The following SOX30 variants were observed in gnomAD, a reference collection of about 807,000 sequenced individuals.
The protein encoded by SOX30 is transcription factor SOX-30.
In SOX30, 17 loss-of-function variants were observed where a neutral mutation model predicts 58.6. The ratio of observed to expected loss-of-function variants is 0.29; its 90% CI spans 0.20 to 0.44. SOX30 has a LOEUF of 0.44. SOX30 is among the 20% of genes least tolerant of loss of function. SOX30 has a pLI of 1.00. For synonymous variants in SOX30, 421 were observed against 400.2 expected, an observed-to-expected ratio of 1.05 and a Z score of -0.62; for missense variants, 951 against 965.8, an observed-to-expected ratio of 0.98 and a Z score of 0.20.
chr5:157,636,237 T>C (rs1175056700), intron 4 of SOX30, among the ~76,000 whole-genome samples: 1 of 152,214 alleles, frequency 6.6e-6, no homozygotes, highest in Non-Finnish European at 1.5e-5. Context: ...GCATTTCCCA[T>C]ATTACAAAAT....
chr5:157,648,943 C>T, intron 1 of SOX30, 47 bp from the exon 2 acceptor site: 1 of 1,549,854 alleles, frequency 6.5e-7, no homozygotes, highest in Non-Finnish European at 8.7e-7. Flanking sequence ...CATACACACA[C>T]ACACACACAA....
In SOX30 at chr5:157,663,497, T is replaced by C. The variant is rs1759612844; in HGVS notation, c.52+4301A>G. Among the ~76,000 whole-genome samples the C allele has an allele frequency of 2.0e-5, 3 of 152,316 alleles. No homozygotes were observed. The South Asian group carries it at 6.2e-4, about 32-fold the overall frequency. On this transcript the variant is annotated intron_variant, in intron 2 of 5. Transcript: ENST00000519442. ...TATGACAAACCCACAGCCAATATCA[T>C]ACTGAATGGGCAAACACTGGAAGCA...
intron 1 of SOX30, among the ~76,000 whole-genome samples, chr5:157,649,653 G>T (rs1759279341): frequency 6.6e-6 from 1 of 152,042 alleles, no homozygotes; most frequent in Admixed American, 6.6e-5. Flanking sequence ...AGCCAGGCGT[G>T]GTTGCTCATG....
intron 1 of SOX30, among the ~76,000 whole-genome samples, chr5:157,668,123 T>C (rs1759705140): frequency 6.6e-6 from 1 of 152,238 alleles, no homozygotes; most frequent in Admixed American, 6.5e-5. Context: ...CAGCCATTAT[T>C]GGCCAAAGGA....
chr5:157,668,199 C>T (rs550627281), intron 1 of SOX30, among the ~76,000 whole-genome samples: 1 of 152,188 alleles, frequency 6.6e-6, no homozygotes, highest in Non-Finnish European at 1.5e-5. Flanking sequence ...TGACTCTTCT[C>T]CTACGGCTGT....
At position 157,648,882 on chromosome 5, in the gene SOX30, G is replaced by C. The variant is rs139570139; in HGVS notation, c.982C>G (p.Pro328Ala). The part of the protein sequence containing the change: ...LPSDAGIPDT[P>A]FSKDRNGHVK... The stretch of plus-strand genomic sequence containing the variant: ...TGACCATTTCTGTCCTTACTGAAGG[G>C]AGTATCTGGTATGCCTACATGACAA... Residue 328 changes from proline (P) to alanine (A), a missense_variant, in exon 2 of 5, where the codon CCC (proline) becomes GCC (alanine). Pro to Ala is a conservative substitution (Grantham distance 27). Around this residue, in one of 7 missense-constraint regions of SOX30, gnomAD observed 60 missense variants for 74.0 expected, o/e 0.81. Transcript: ENST00000265007. The C allele has an allele frequency of 3.5e-5, 56 of 1,609,262 alleles. No homozygotes were observed. Among genetic ancestry groups the C allele is most frequent in the Non-Finnish European group, 4.3e-5 (51 of 1,178,596 alleles).
At chr5:157,647,969 T>C (rs1464043159) in intron 2 of SOX30, among the ~76,000 whole-genome samples, 2 of 152,216 alleles carry the variant, frequency 1.3e-5, no homozygotes, top group Admixed American at 6.5e-5. Flanking sequence ...AGTGGAACTA[T>C]GGCATTTGCA....
At chr5:157,634,201 C>T (rs988709696) in intron 4 of SOX30, among the ~76,000 whole-genome samples, 2 of 152,182 alleles carry the variant, frequency 1.3e-5, no homozygotes, top group Admixed American at 1.3e-4. Flanking sequence ...AAGTGAACTG[C>T]GTAGCGAAAA....
intron 2 of SOX30, among the ~76,000 whole-genome samples, chr5:157,661,207 C>T (rs563989374): frequency 1.6e-4 from 24 of 152,294 alleles, no homozygotes; most frequent in Non-Finnish European, 2.5e-4. Context: ...TTTTGCCTTG[C>T]ACCCAGTCTT....
chr5:157,637,088 G>A lies in SOX30; in HGVS notation c.1880+1142C>T, dbSNP rs537541465. Among the ~76,000 whole-genome samples, 191 of 142,066 alleles carry A rather than the reference G, an allele frequency of 1.3e-3. 3 individuals carry two copies. The highest frequency in any genetic ancestry group is 2.3e-3 in the Non-Finnish European group (157 of 67,068). 93.2% of individuals were successfully genotyped at this position (142,066 alleles called of 152,430 possible). On this transcript the variant is annotated intron_variant, in intron 4 of 4. Coordinates refer to ENST00000265007, the MANE Select transcript of SOX30 (RefSeq NM_178424.2). ...GCGGAGGCTGTGGTGAGCCAAGATCGCGCCATTGCACTCCAGCCTGGGCAA... is the reference window on the plus strand; with the variant it reads ...GCGGAGGCTGTGGTGAGCCAAGATCACGCCATTGCACTCCAGCCTGGGCAA...
chr5:157,639,464 G>A (rs549012587), intron 3 of SOX30, among the ~76,000 whole-genome samples: 19 of 152,032 alleles, frequency 1.2e-4, no homozygotes, highest in South Asian at 6.2e-4. Context: ...ATATGAATAC[G>A]AAAGGAAATT....
chr5:157,661,129 TCTTAC>T (rs1305651948), intron 2 of SOX30, among the ~76,000 whole-genome samples: 1 of 152,240 alleles, frequency 6.6e-6, no homozygotes, highest in Non-Finnish European at 1.5e-5. Flanking sequence ...ATTTTTATTT[TCTTAC>T]CTTATTGCAC....
intron 1 of SOX30, among the ~76,000 whole-genome samples, chr5:157,670,802 G>A (rs113046128): frequency 6.6e-6 from 1 of 152,152 alleles, no homozygotes; most frequent in African/African-American, 2.4e-5. Flanking sequence ...GACCCAGTGG[G>A]AAAAATGACT....
At position 157,652,277 on chromosome 5, in the gene SOX30, G is replaced by A. The variant is rs1759376709; in HGVS notation, c.-199C>T. 8.0e-7 allele frequency: 1 copy of A among 1,251,616 alleles called. No homozygotes were observed. Among genetic ancestry groups the A allele is most frequent in the Non-Finnish European group, 1.0e-6 (1 of 1,001,348 alleles). 77.5% of individuals were successfully genotyped at this position (1,251,616 alleles called of 1,614,324 possible). On this transcript the variant is annotated 5_prime_UTR_variant, in exon 1 of 5. Transcript: ENST00000265007. ...ACGGCCAATCACAGGCGGGTTTTCCGGCTCTTCCTGGTCCCTACTCTCGCC... is the reference window on the plus strand; with the variant it reads ...ACGGCCAATCACAGGCGGGTTTTCCAGCTCTTCCTGGTCCCTACTCTCGCC...
At chr5:157,628,920 T>C (rs899516513) in intron 4 of SOX30, among the ~76,000 whole-genome samples, 38 of 152,138 alleles carry the variant, frequency 2.5e-4, no homozygotes, top group African/African-American at 8.4e-4. Flanking sequence ...GGATTATGAG[T>C]GTGAGCCACC....
chr5:157,643,555 TTGAAACTGA>T (rs1759120641), intron 3 of SOX30, among the ~76,000 whole-genome samples: 1 of 152,172 alleles, frequency 6.6e-6, no homozygotes, highest in African/African-American at 2.4e-5. Flanking sequence ...CTTCCAGCTA[TTGAAACTGA>T]TGACCTTGAC....
intron 4 of SOX30, among the ~76,000 whole-genome samples, chr5:157,631,777 A>G (rs1428298762): frequency 6.6e-6 from 1 of 150,962 alleles, no homozygotes; most frequent in Non-Finnish European, 1.5e-5. Context: ...AAAAAAAAAA[A>G]AAAAAATTAG....
At chr5:157,656,044 G>C (rs1404162573), upstream of SOX30, among the ~76,000 whole-genome samples, 2 of 152,188 alleles carry the variant, frequency 1.3e-5, no homozygotes, top group Admixed American at 6.5e-5. Flanking sequence ...ATGTCCTTGG[G>C]AGCTTGACCT....
At position 157,651,766 on chromosome 5, in the gene SOX30, G is replaced by A. The variant is rs1431787621; in HGVS notation, c.313C>T (p.Pro105Ser). 6 of 1,558,376 alleles carry A rather than the reference G, an allele frequency of 3.9e-6. No individual in the cohort carries two copies. Among genetic ancestry groups the A allele is most frequent in the African/African-American group, 1.4e-5 (1 of 73,648 alleles). The change falls in exon 1 of 5, where the codon CCC becomes TCC. Residue 105 changes from proline to serine, a missense_variant. Physicochemically the swap from Pro to Ser is moderately conservative, Grantham distance 74 (BLOSUM62 -1). Around this residue, in one of 7 missense-constraint regions of SOX30, gnomAD observed 363 missense variants for 294.5 expected, o/e 1.23. Transcript: ENST00000265007. ...SAQARLLQFR[P>S]DLRLLQPPTA... ...GGCGGCTGCAGGAGCCGCAGGTCGG[G>A]CCTGAACTGCAACAGCCGCGCCTGC...
Sources: gnomAD v4.1 joint callset for allele counts (sites outside exome capture counted in the v4.1 genomes callset) on GRCh38, gnomAD v4.1.1 for gene constraint, gnomAD v4.1.1 regional missense constraint, MANE v1.5 for transcripts, NCBI Gene and HGNC (gene_info 2026-07-23, HGNC 2026-07-21) for gene names.